SLIT2: variants seen among roughly 807,000 people sequenced by gnomAD.
The protein encoded by SLIT2 is slit guidance ligand 2.
Under a neutral mutation model 185.7 loss-of-function variants are expected in SLIT2, and 41 were observed. That is an observed-to-expected ratio of 0.22 (90% CI 0.17 to 0.29). The LOEUF (loss-of-function observed/expected upper bound fraction) is 0.29. SLIT2 is among the 10% of genes least tolerant of loss of function. The pLI, the probability that SLIT2 is intolerant of heterozygous loss-of-function variation, is 1.00. For missense variants in SLIT2, 1,571 were observed against 1,909.0 expected (o/e 0.82, Z 3.30); for synonymous variants, 693 against 680.2 (o/e 1.02, Z -0.29).
At chr4:20,440,919 T>C (rs1455872565) in intron 4 of SLIT2, among the ~76,000 whole-genome samples, 1 of 152,166 alleles carries the variant, frequency 6.6e-6, no homozygotes, top group African/African-American at 2.4e-5. Context: ...TACAAAGCAT[T>C]TTGGCCTTTA....
intron 26 of SLIT2, among the ~76,000 whole-genome samples, chr4:20,560,486 G>C (rs1255719705): frequency 6.6e-6 from 1 of 151,872 alleles, no homozygotes; most frequent in Admixed American, 6.6e-5. Flanking sequence ...AGATGGCCAT[G>C]ACTTGTCTTT....
chr4:20,574,800 AAAAAAAAC>A (rs1427483717), intron 29 of SLIT2, among the ~76,000 whole-genome samples: 2 of 151,804 alleles, frequency 1.3e-5, no homozygotes, highest in East Asian at 1.9e-4. Context: ...AAAAAAAAAA[AAAAAAAAC>A]AAAGGTTATT....
intron 29 of SLIT2, among the ~76,000 whole-genome samples, chr4:20,570,671 C>A: frequency 6.7e-6 from 1 of 148,554 alleles, no homozygotes; most frequent in East Asian, 2.0e-4. Flanking sequence ...TGGACCCAAG[C>A]ATTTCAAGCA....
At chr4:20,607,345 A>C (rs2148975407) in intron 33 of SLIT2, among the ~76,000 whole-genome samples, 1 of 152,324 alleles carries the variant, frequency 6.6e-6, no homozygotes, top group South Asian at 2.1e-4. Flanking sequence ...AACATGCTTG[A>C]AGTGTAATGA....
intron 5 of SLIT2, among the ~76,000 whole-genome samples, chr4:20,473,779 G>T (rs57456190): frequency 0.022 from 3,290 of 151,980 alleles, 125 homozygotes; most frequent in African/African-American, 0.075. Context: ...GAGAGCAAGG[G>T]TTGCTCACTT....
intron 17 of SLIT2, among the ~76,000 whole-genome samples, chr4:20,532,276 T>C (rs979749115): frequency 6.6e-6 from 1 of 152,198 alleles, no homozygotes; most frequent in Non-Finnish European, 1.5e-5. Context: ...AGCATCTTAC[T>C]TTAACTCAGA....
At chr4:20,350,547 T>C (rs755897466) in intron 4 of SLIT2, among the ~76,000 whole-genome samples, 1 of 152,196 alleles carries the variant, frequency 6.6e-6, no homozygotes, top group African/African-American at 2.4e-5. Context: ...CAGAATAATA[T>C]GTAAGTCTCT....
At chr4:20,523,131 A>G (rs565548842) in intron 12 of SLIT2, among the ~76,000 whole-genome samples, 1 of 152,240 alleles carries the variant, frequency 6.6e-6, no homozygotes, top group African/African-American at 2.4e-5. Flanking sequence ...AACATTTCAG[A>G]CAAAGAATAG....
chr4:20,438,818 A>G (rs1361548620), intron 4 of SLIT2, among the ~76,000 whole-genome samples: 2 of 152,168 alleles, frequency 1.3e-5, no homozygotes, highest in Non-Finnish European at 2.9e-5. Flanking sequence ...ATTCTTCCCT[A>G]TGCAATGTGC....
In SLIT2 at chr4:20,553,976, T is replaced by C. The variant is rs755750772; in HGVS notation, c.2725+8T>C. On this transcript the variant is annotated splice_region_variant and intron_variant, in intron 26 of 36. Coordinates refer to ENST00000504154, the MANE Select transcript of SLIT2 (RefSeq NM_004787.4). ...AAAAATTTACCTGTCAAGGTATGGT[T>C]TTTAATCATTTGTATTTCTTTTAAG... 6.4e-7 allele frequency: 1 copy of C among 1,569,100 alleles called. No homozygotes were observed. The highest frequency in any genetic ancestry group is 8.6e-7 in the Non-Finnish European group (1 of 1,162,986).
intron 2 of SLIT2, among the ~76,000 whole-genome samples, chr4:20,257,548 C>T (rs1711976326): frequency 6.6e-6 from 1 of 151,948 alleles, no homozygotes; most frequent in Admixed American, 6.6e-5. Flanking sequence ...AAGTTGAAAA[C>T]CAGTGTATCA....
intron 15 of SLIT2, among the ~76,000 whole-genome samples, chr4:20,527,434 C>T (rs1721396748): frequency 6.6e-6 from 1 of 152,018 alleles, no homozygotes; most frequent in Admixed American, 6.6e-5. Context: ...CTACAGGCGC[C>T]CGCAACCATG....
At chr4:20,618,634 C>T (rs1340057489) in intron 36 of SLIT2, 134 bp from the exon 37 acceptor site, 1 of 847,534 alleles carries the variant, frequency 1.2e-6, no homozygotes, top group African/African-American at 1.7e-5. Context: ...GAGGCCGTGC[C>T]ACCAGCTAAT....
chr4:20,585,689 A>G (rs1378098226), intron 29 of SLIT2, among the ~76,000 whole-genome samples: 1 of 152,218 alleles, frequency 6.6e-6, no homozygotes, highest in Non-Finnish European at 1.5e-5. Flanking sequence ...CTAACTCTGT[A>G]TAGTCGAATA....
intron 4 of SLIT2, among the ~76,000 whole-genome samples, chr4:20,418,778 C>T (rs1312069229): frequency 2.0e-5 from 3 of 151,952 alleles, no homozygotes; most frequent in Middle Eastern, 3.2e-3. Context: ...ATTTCTGGCT[C>T]GGGTAAATAG....
chr4:20,469,878 C>T (rs1286316319), intron 5 of SLIT2, among the ~76,000 whole-genome samples: 2 of 150,794 alleles, frequency 1.3e-5, no homozygotes, highest in East Asian at 3.9e-4. Context: ...GCCTCAGCCT[C>T]CTGAGGACCT....
intron 4 of SLIT2, among the ~76,000 whole-genome samples, chr4:20,421,457 T>A (rs1266996475): frequency 6.6e-6 from 1 of 152,182 alleles, no homozygotes; most frequent in African/African-American, 2.4e-5. Flanking sequence ...ATTGTTGATT[T>A]CCTGTTGACA....
intron 26 of SLIT2, among the ~76,000 whole-genome samples, chr4:20,566,850 G>T (rs1725131663): frequency 6.6e-6 from 1 of 151,818 alleles, no homozygotes; most frequent in African/African-American, 2.4e-5. Flanking sequence ...TCTAAAATTT[G>T]CTCACCCCAC....
At chr4:20,294,371 C>T (rs919725771) in intron 4 of SLIT2, among the ~76,000 whole-genome samples, 20 of 151,630 alleles carry the variant, frequency 1.3e-4, no homozygotes, top group Admixed American at 1.1e-3. Flanking sequence ...AAGAAAGCAC[C>T]CACATAATAA....
Sources: gnomAD v4.1 joint callset for allele counts (sites outside exome capture counted in the v4.1 genomes callset) on GRCh38, gnomAD v4.1.1 for gene constraint, MANE v1.5 for transcripts, NCBI Gene and HGNC (gene_info 2026-07-23, HGNC 2026-07-21) for gene names.